Variants in NT5C2 observed in about 807,000 individuals in gnomAD.
NT5C2 encodes cytosolic purine 5'-nucleotidase.
A neutral mutation model predicts 76.1 loss-of-function variants in NT5C2; 58 were observed. That is an observed-to-expected ratio of 0.76 (90% CI 0.62 to 0.95). The LOEUF (loss-of-function observed/expected upper bound fraction) is 0.95, where lower values mean the gene tolerates loss of function less well. NT5C2 is among the 40% of genes least tolerant of loss of function. The pLI, the probability that NT5C2 is intolerant of heterozygous loss-of-function variation, is 0.00. For synonymous variants in NT5C2, 229 were observed against 237.4 expected (o/e 0.96, Z 0.32); for missense variants, 478 against 690.3 (o/e 0.69, Z 3.45).
chr10:103,120,327 G>A (rs1218632434), intron 4 of NT5C2, among the ~76,000 whole-genome samples: 1 of 152,098 alleles, frequency 6.6e-6, no homozygotes. Context: ...CAAAAGCCAT[G>A]ATCAAGAGAG....
rs148701269 is a variant in NT5C2, at chr10:103,111,717, G to C, written c.176-5011C>G. The stretch of plus-strand genomic sequence containing the variant: ...CCTCTACAGAGGTTCCAGCCTAGCA[G>C]AGTGCTGCTGCCAAAATGAGAACTC... On this transcript the variant is annotated intron_variant, in intron 4 of 18. Transcript: ENST00000404739. 33 of 1,227,858 alleles carry C rather than the reference G, an allele frequency of 2.7e-5. No homozygotes were observed. The African/African-American group carries it at 4.7e-4, about 17-fold the overall frequency. The allele number at this position is 1,227,858 out of a possible 1,614,324, so 76.1% of individuals were successfully genotyped here. A position where few individuals can be genotyped will look rare whatever the true frequency, so the allele number is the denominator to read the frequency against.
intron 3 of NT5C2, among the ~76,000 whole-genome samples, chr10:103,168,243 C>T (rs760288337): frequency 1.2e-4 from 19 of 152,038 alleles, no homozygotes; most frequent in Admixed American, 5.2e-4. Flanking sequence ...AGCCTAATAA[C>T]GTGCCACATT....
chr10:103,153,779 T>C (rs2082815880), intron 3 of NT5C2: 1 of 977,404 alleles, frequency 1.0e-6, no homozygotes. Context: ...TAAATAATTT[T>C]ATGTTTTAAT....
chr10:103,100,685 A>G (rs771879241), intron 8 of NT5C2: 2 of 487,184 alleles, frequency 4.1e-6, no homozygotes, highest in East Asian at 5.9e-5. Context: ...GCTCCTGGGT[A>G]GCTGCTGTGA....
At chr10:103,159,176 T>A (rs2084159117) in intron 3 of NT5C2, among the ~76,000 whole-genome samples, 2 of 151,086 alleles carry the variant, frequency 1.3e-5, no homozygotes, top group South Asian at 4.2e-4. Flanking sequence ...GAGGCTACAG[T>A]GCACTATGAT....
intron 5 of NT5C2, 105 bp from the exon 6 acceptor site, chr10:103,105,906 T>G (rs2071126506): frequency 1.4e-6 from 1 of 737,530 alleles, no homozygotes. Context: ...ATTCAAGCTT[T>G]GTACCAACTC....
intron 1 of NT5C2, among the ~76,000 whole-genome samples, chr10:103,183,167 G>A (rs2091386469): frequency 6.6e-6 from 1 of 150,790 alleles, no homozygotes; most frequent in African/African-American, 2.4e-5. Context: ...GAATAGCACT[G>A]TGAAATAAGC....
chr10:103,165,294 G>C (rs1460964055), intron 3 of NT5C2, among the ~76,000 whole-genome samples: 1 of 152,006 alleles, frequency 6.6e-6, no homozygotes, highest in Non-Finnish European at 1.5e-5. Context: ...AGGAGTTCAA[G>C]GCCAGACTGA....
At chr10:103,124,178 A>G (rs1270619653) in intron 4 of NT5C2, among the ~76,000 whole-genome samples, 1 of 152,038 alleles carries the variant, frequency 6.6e-6, no homozygotes, top group Non-Finnish European at 1.5e-5. Flanking sequence ...CCTTGCATCT[A>G]TTAGAAGCAT....
chr10:103,109,835 AAAAC>A (rs1175704444), intron 4 of NT5C2, among the ~76,000 whole-genome samples: 1 of 152,218 alleles, frequency 6.6e-6, no homozygotes, highest in East Asian at 1.9e-4. Flanking sequence ...TTTTCAGTGA[AAAAC>A]AATACAGGAG....
chr10:103,165,334 A>G (rs1057312252), intron 3 of NT5C2, among the ~76,000 whole-genome samples: 1 of 152,078 alleles, frequency 6.6e-6, no homozygotes, highest in Non-Finnish European at 1.5e-5. Context: ...TTTCTACTAA[A>G]AATACAAAAT....
chr10:103,189,448 A>T (rs2092426903), intron 1 of NT5C2, among the ~76,000 whole-genome samples: 1 of 151,742 alleles, frequency 6.6e-6, no homozygotes, highest in Admixed American at 6.6e-5. Context: ...TCTACTAAAA[A>T]TACAAAAATT....
chr10:103,169,217 G>C (rs1382466422), intron 3 of NT5C2: 1 of 151,976 alleles, frequency 6.6e-6, no homozygotes, highest in Non-Finnish European at 1.5e-5. Context: ...ATATCAACTT[G>C]TACACCATAA....
intron 4 of NT5C2, among the ~76,000 whole-genome samples, chr10:103,125,745 T>C (rs2076538791): frequency 6.6e-6 from 1 of 152,228 alleles, no homozygotes; most frequent in Non-Finnish European, 1.5e-5. Context: ...CTGAACAGCC[T>C]GAAATTTACC....
At chr10:103,110,030 C>CA (rs1478522904) in intron 4 of NT5C2, among the ~76,000 whole-genome samples, 6 of 152,172 alleles carry the variant, frequency 3.9e-5, no homozygotes, top group African/African-American at 1.2e-4. Flanking sequence ...TCAATGAACT[C>CA]AGAGTACTTC....
At chr10:103,127,544 G>A (rs920141677) in intron 4 of NT5C2, among the ~76,000 whole-genome samples, 12 of 152,120 alleles carry the variant, frequency 7.9e-5, no homozygotes, top group Non-Finnish European at 1.8e-4. Context: ...CTTCATTGGG[G>A]AAATAAATGA....
intron 4 of NT5C2, 129 bp downstream of exon 4, chr10:103,139,277 C>T (rs979604923): frequency 1.9e-5 from 10 of 518,610 alleles, no homozygotes; most frequent in African/African-American, 2.0e-5. Context: ...TGGAAGCAAC[C>T]TGATAATAAA....
intron 3 of NT5C2, among the ~76,000 whole-genome samples, chr10:103,154,758 C>A (rs1471812378): frequency 6.6e-6 from 1 of 152,116 alleles, no homozygotes; most frequent in Non-Finnish European, 1.5e-5. Context: ...TTTAAAAAAT[C>A]TAAATCTCAA....
intron 3 of NT5C2, chr10:103,146,002 TTTAAC>T: frequency 1.0e-6 from 1 of 957,468 alleles, no homozygotes; most frequent in Non-Finnish European, 1.2e-6. Context: ...TCTTAATGGC[TTTAAC>T]TTGTAATTCA....
Sources: allele counts gnomAD v4.1 joint callset (sites outside exome capture counted in the v4.1 genomes callset), GRCh38; gene constraint gnomAD v4.1.1; transcripts MANE v1.5; gene names NCBI Gene and HGNC (gene_info 2026-07-23, HGNC 2026-07-21).